The following SUMF1 variants were observed in gnomAD, a reference collection of about 807,000 sequenced individuals.
SUMF1 encodes formylglycine-generating enzyme.
In SUMF1, 48 loss-of-function variants were observed where a neutral mutation model predicts 47.6. That is an observed-to-expected ratio of 1.01 (90% confidence interval 0.80 to 1.28). The LOEUF is 1.28. Ranked by LOEUF, SUMF1 falls within the 50% of genes most tolerant of loss-of-function variation. The pLI is 0.00. For missense variants in SUMF1, 571 were observed against 485.4 expected, an observed-to-expected ratio of 1.18 and a Z score of -1.66; for synonymous variants, 230 against 192.1, an observed-to-expected ratio of 1.20 and a Z score of -1.63.
At chr3:4,148,135 C>A (rs1157075137) in intron 8 of SUMF1, among the ~76,000 whole-genome samples, 2 of 152,168 alleles carry the variant, frequency 1.3e-5, no homozygotes, top group East Asian at 1.9e-4. Context: ...ACAAACATTT[C>A]TTTTAATCTA....
chr3:4,150,397 A>G (rs1694291466), intron 8 of SUMF1, among the ~76,000 whole-genome samples: 2 of 151,546 alleles, frequency 1.3e-5, no homozygotes, highest in Admixed American at 1.3e-4. Context: ...TCCCGTCTCT[A>G]CTAAAACACA....
intron 8 of SUMF1, among the ~76,000 whole-genome samples, chr3:4,103,729 A>T (rs3846149): frequency 1.3e-5 from 2 of 152,062 alleles, no homozygotes; most frequent in Admixed American, 6.5e-5. Context: ...CATAAATCAC[A>T]TAATCAGATC....
Position 4,284,441 on chromosome 3 carries a change from AAGGAGG to A in SUMF1, c.1014+91883_1014+91888del, listed in dbSNP as rs72201582. The stretch of plus-strand genomic sequence containing the variant: ...AAAAAAATAAGTAAATAAAAAATGA[AAGGAGG>A]AGGAGGAGGAGGAGGAGGAGGAGGA... On this transcript the variant is annotated intron_variant and NMD_transcript_variant, in intron 8 of 12. Coordinates refer to the SUMF1 transcript ENST00000448413. Among the ~76,000 whole-genome samples the A allele has an allele frequency of 8.7e-4, 80 of 91,704 alleles. 2 individuals carry two copies. Among genetic ancestry groups the A allele is most frequent in the African/African-American group, 1.8e-3 (56 of 30,902 alleles). 60.2% of individuals were successfully genotyped at this position (91,704 alleles called of 152,430 possible).
chr3:4,099,386 A>G (rs1300623940), intron 8 of SUMF1, among the ~76,000 whole-genome samples: 3 of 152,176 alleles, frequency 2.0e-5, no homozygotes, highest in Non-Finnish European at 4.4e-5. Context: ...TAGATGCAGA[A>G]AAAGCATGTG....
intron 8 of SUMF1, among the ~76,000 whole-genome samples, chr3:4,369,063 A>T (rs1618150): frequency 0.59 from 85,482 of 145,052 alleles, 24,759 homozygotes; most frequent in East Asian, 0.76. Context: ...TTTTTTTTTT[A>T]AATTATTCTC....
chr3:4,181,500 GAGCTCTAATCTTCTT>G (rs1453704698), intron 8 of SUMF1, among the ~76,000 whole-genome samples: 2 of 152,180 alleles, frequency 1.3e-5, no homozygotes, highest in African/African-American at 4.8e-5. Flanking sequence ...AAGAAGATCT[GAGCTCTAATCTTCTT>G]AGCTCTGCCA....
intron 8 of SUMF1, among the ~76,000 whole-genome samples, chr3:4,104,164 G>A (rs532026688): frequency 6.6e-6 from 1 of 152,176 alleles, no homozygotes; most frequent in South Asian, 2.1e-4. Flanking sequence ...CATAATGCAG[G>A]CAGTTTCCCC....
chr3:4,190,277 T>C (rs1248897462), intron 8 of SUMF1, among the ~76,000 whole-genome samples: 1 of 151,884 alleles, frequency 6.6e-6, no homozygotes, highest in Non-Finnish European at 1.5e-5. Context: ...CTATATTACA[T>C]GGCTAATGGA....
Position 4,040,427 on chromosome 3 carries a change from C to T in SUMF1, c.1191+28142G>A, listed in dbSNP as rs576779936. The stretch of plus-strand genomic sequence containing the variant: ...CTATAGTGACCAGGAACCCAGCAGG[C>T]GTCTAATAACCCTTCCTCCAGCCCT... On this transcript the variant is annotated intron_variant and NMD_transcript_variant, in intron 9 of 12. Coordinates refer to the SUMF1 transcript ENST00000448413. Among the ~76,000 whole-genome samples, 29 of 152,184 alleles carry T rather than the reference C, an allele frequency of 1.9e-4. 1 individual carries two copies. In the East Asian group the frequency reaches 5.2e-3, roughly 27 times the overall value.
chr3:4,045,689 C>T (rs1363394530), intron 9 of SUMF1, among the ~76,000 whole-genome samples: 1 of 152,056 alleles, frequency 6.6e-6, no homozygotes, highest in Non-Finnish European at 1.5e-5. Context: ...TCTAAGGCCA[C>T]TTCACAACAC....
chr3:4,308,272 A>C (rs1320636306), intron 8 of SUMF1, among the ~76,000 whole-genome samples: 1 of 152,154 alleles, frequency 6.6e-6, no homozygotes, highest in Non-Finnish European at 1.5e-5. Context: ...TCCAGAACTT[A>C]TTTTCTTCAC....
intron 8 of SUMF1, among the ~76,000 whole-genome samples, chr3:4,207,349 G>A (rs904608082): frequency 3.9e-5 from 6 of 151,924 alleles, no homozygotes; most frequent in South Asian, 2.1e-4. Context: ...GCACTGCCTC[G>A]AATGTCCAGT....
intron 8 of SUMF1, among the ~76,000 whole-genome samples, chr3:4,249,090 C>T (rs532727307): frequency 1.2e-3 from 180 of 152,316 alleles, no homozygotes; most frequent in African/African-American, 4.2e-3. Context: ...TCACCTGCTC[C>T]TAACTCAGAA....
At chr3:4,337,047 C>T (rs1699167355) in intron 8 of SUMF1, among the ~76,000 whole-genome samples, 1 of 152,158 alleles carries the variant, frequency 6.6e-6, no homozygotes, top group South Asian at 2.1e-4. Context: ...TCTGGATTTT[C>T]TTTGTCCTGG....
intron 8 of SUMF1, among the ~76,000 whole-genome samples, chr3:4,217,314 T>C (rs1415087636): frequency 1.3e-5 from 2 of 148,994 alleles, no homozygotes; most frequent in Non-Finnish European, 3.0e-5. Flanking sequence ...AGTTGAACAA[T>C]GAGAACACAT....
chr3:4,392,401 C>T (rs1700896718), intron 7 of SUMF1, among the ~76,000 whole-genome samples: 1 of 151,852 alleles, frequency 6.6e-6, no homozygotes, highest in Non-Finnish European at 1.5e-5. Context: ...AATCTAGCAT[C>T]TGGGCCTACT....
chr3:4,341,689 T>C (rs977374415), intron 8 of SUMF1, among the ~76,000 whole-genome samples: 1 of 152,186 alleles, frequency 6.6e-6, no homozygotes, highest in Non-Finnish European at 1.5e-5. Context: ...TCAAATGGAT[T>C]CACTCCCCAT....
chr3:4,449,119 G>T, intron 3 of SUMF1, 147 bp downstream of exon 3: 3 of 869,852 alleles, frequency 3.4e-6, no homozygotes, highest in Non-Finnish European at 5.9e-6. Flanking sequence ...CCTGGTCCAT[G>T]GGCCTATTAT....
chr3:4,203,857 A>G (rs1169962347), intron 8 of SUMF1, among the ~76,000 whole-genome samples: 2 of 151,956 alleles, frequency 1.3e-5, no homozygotes, highest in Non-Finnish European at 2.9e-5. Context: ...ACAAGCAAAC[A>G]GAAGACTAAA....
Sources: allele counts gnomAD v4.1 joint callset (sites outside exome capture counted in the v4.1 genomes callset), GRCh38; gene constraint gnomAD v4.1.1; transcripts MANE v1.5; gene names NCBI Gene and HGNC (gene_info 2026-07-23, HGNC 2026-07-21).